Variants in AP4E1 observed in about 807,000 individuals in gnomAD.
AP4E1 encodes the protein AP-4 complex subunit epsilon-1.
A neutral mutation model predicts 128.2 loss-of-function variants in AP4E1; 56 were observed. The observed-to-expected ratio is 0.44, with a 90% CI of 0.35 to 0.55. The LOEUF (loss-of-function observed/expected upper bound fraction) is 0.55. Ranked by LOEUF, AP4E1 falls within the 20% of genes least tolerant of loss-of-function variation. AP4E1 has a pLI of 0.00. For synonymous variants in AP4E1, 484 were observed against 473.1 expected, an observed-to-expected ratio of 1.02 and a Z score of -0.30; for missense variants, 1,324 against 1,307.7, an observed-to-expected ratio of 1.01 and a Z score of -0.19.
intron 3 of AP4E1, chr15:50,916,039 A>G (rs1027558831): frequency 1.1e-4 from 18 of 166,342 alleles, no homozygotes; most frequent in Non-Finnish European, 2.2e-4. Flanking sequence ...TGATCCTCCT[A>G]TCTCAGCCCC....
At chr15:50,916,473 T>C (rs527537923) in intron 3 of AP4E1, among the ~76,000 whole-genome samples, 1 of 152,364 alleles carries the variant, frequency 6.6e-6, no homozygotes, top group Admixed American at 6.5e-5. Flanking sequence ...TTCAACTTTA[T>C]ATCAGAATCT....
intron 10 of AP4E1, chr15:50,945,867 C>A: frequency 1.2e-6 from 1 of 864,656 alleles, no homozygotes; most frequent in Non-Finnish European, 2.0e-6. Context: ...CTATCTACAG[C>A]CAGATTCAGG....
At chr15:50,923,069 G>A (rs1396201683) in intron 3 of AP4E1, among the ~76,000 whole-genome samples, 6 of 152,140 alleles carry the variant, frequency 3.9e-5, no homozygotes, top group East Asian at 3.9e-4. Flanking sequence ...GAGCCACCAC[G>A]CCCAGTCTTG....
In AP4E1 at chr15:50,965,109, G is replaced by A. The variant is rs191556827; in HGVS notation, c.1852-3154G>A. On this transcript the variant is annotated intron_variant, in intron 14 of 20. Transcript: ENST00000261842. ...AGAGCTGAACAGATGCCGGTATCAT[G>A]CTTCTTGTACAGCCTGCAGATCCGC... is the stretch of plus-strand genomic sequence containing the variant. Among the ~76,000 whole-genome samples, 519 of 152,116 alleles carry A rather than the reference G, an allele frequency of 3.4e-3. 2 individuals carry two copies. Among genetic ancestry groups the A allele is most frequent in the Middle Eastern group, 0.02 (6 of 294 alleles).
intron 3 of AP4E1, chr15:50,915,996 C>T (rs1413437942): frequency 5.7e-6 from 1 of 175,694 alleles, no homozygotes; most frequent in Non-Finnish European, 1.2e-5. Context: ...GGCGGGATCT[C>T]TGCTCACTGC....
chr15:50,976,086 C>A (rs950867669), intron 15 of AP4E1, among the ~76,000 whole-genome samples: 12 of 147,880 alleles, frequency 8.1e-5, no homozygotes, highest in African/African-American at 3.0e-4. Flanking sequence ...CAAAGCCAGA[C>A]AGAGCCACCA....
chr15:50,959,230 C>A (rs776996050), intron 14 of AP4E1, among the ~76,000 whole-genome samples: 5 of 151,390 alleles, frequency 3.3e-5, no homozygotes, highest in Non-Finnish European at 7.4e-5. Flanking sequence ...AAAAAAGATT[C>A]AATCTAAAAA....
chr15:50,964,797 A>G (rs2064364283), intron 14 of AP4E1, among the ~76,000 whole-genome samples: 1 of 152,038 alleles, frequency 6.6e-6, no homozygotes. Flanking sequence ...CTCCCGCCCA[A>G]ATCTCAAGTT....
At chr15:50,923,579 G>A (rs1412640306) in intron 3 of AP4E1, among the ~76,000 whole-genome samples, 1 of 152,008 alleles carries the variant, frequency 6.6e-6, no homozygotes. Flanking sequence ...TATATATTTG[G>A]CTATAAAATA....
chr15:50,950,026 A>C, intron 12 of AP4E1, 25 bp from the exon 13 acceptor site: 1 of 1,598,158 alleles, frequency 6.3e-7, no homozygotes, highest in Non-Finnish European at 8.6e-7. Context: ...GTGGAAATTA[A>C]AATGGTGTAT....
intron 1 of AP4E1, among the ~76,000 whole-genome samples, chr15:50,909,944 C>A (rs2063544423): frequency 1.3e-5 from 2 of 151,510 alleles, no homozygotes; most frequent in Admixed American, 1.3e-4. Context: ...CTTGGCGTCC[C>A]AAAGTGTTGG....
chr15:50,976,587 C>G (rs143599232), intron 15 of AP4E1, among the ~76,000 whole-genome samples: 2 of 152,148 alleles, frequency 1.3e-5, no homozygotes, highest in African/African-American at 4.8e-5. Context: ...AATTGTTCCT[C>G]TTTGCAGATA....
At chr15:50,917,840 G>A (rs774772764) in intron 3 of AP4E1, among the ~76,000 whole-genome samples, 1 of 152,074 alleles carries the variant, frequency 6.6e-6, no homozygotes, top group Non-Finnish European at 1.5e-5. Context: ...TGGCTCATGC[G>A]TGTAATCCCA....
intron 15 of AP4E1, 45 bp from the exon 16 acceptor site, chr15:50,983,977 G>A (rs1414042447): frequency 5.7e-6 from 9 of 1,590,856 alleles, no homozygotes; most frequent in Non-Finnish European, 7.7e-6. Context: ...ACAGTTTTTT[G>A]CTTTGTTTTA....
intron 19 of AP4E1, among the ~76,000 whole-genome samples, chr15:51,000,063 C>G (rs1330151836): frequency 6.6e-6 from 1 of 151,474 alleles, no homozygotes; most frequent in Non-Finnish European, 1.5e-5. Context: ...TGCAGAATAC[C>G]GATGAATATC....
At position 50,977,706 on chromosome 15, in the gene AP4E1, G is replaced by GTTTTTTTTTTTTTTTTTT. The variant is rs1401774266; in HGVS notation, c.1967-6313_1967-6296dup. Among the ~76,000 whole-genome samples the GTTTTTTTTTTTTTTTTTT allele has an allele frequency of 1.6e-4, 13 of 80,284 alleles. 1 individual carries two copies. The highest frequency in any genetic ancestry group is 4.7e-4 in the African/African-American group (10 of 21,488). The allele number at this position is 80,284 out of a possible 152,430, so 52.7% of individuals were successfully genotyped here. On this transcript the variant is annotated intron_variant, in intron 15 of 20. Coordinates refer to ENST00000261842, the MANE Select transcript of AP4E1 (RefSeq NM_007347.5). ...ATCTTTTAATTATCAATCTGTTATG[G>GTTTTTTTTTTTTTTTTTT]TTTTTTTTTTTTTTTTTTTTAGACA...
intron 15 of AP4E1, among the ~76,000 whole-genome samples, chr15:50,975,031 G>T (rs963338622): frequency 6.6e-6 from 1 of 151,992 alleles, no homozygotes; most frequent in African/African-American, 2.4e-5. Context: ...TTGATGTATT[G>T]CCACTTGTTT....
chr15:50,981,739 G>A (rs2140911695), intron 15 of AP4E1, among the ~76,000 whole-genome samples: 2 of 152,242 alleles, frequency 1.3e-5, no homozygotes, highest in South Asian at 4.2e-4. Flanking sequence ...GGTCACGAGG[G>A]CTCTGCCCTC....
At chr15:50,942,756 A>G (rs901708718) in intron 10 of AP4E1, among the ~76,000 whole-genome samples, 1 of 150,692 alleles carries the variant, frequency 6.6e-6, no homozygotes, top group Non-Finnish European at 1.5e-5. Context: ...TTCAATGTCT[A>G]CTTGGGTGTC....
Sources: allele counts gnomAD v4.1 joint callset (sites outside exome capture counted in the v4.1 genomes callset), GRCh38; gene constraint gnomAD v4.1.1; transcripts MANE v1.5; gene names NCBI Gene and HGNC (gene_info 2026-07-23, HGNC 2026-07-21).